Variants in RASL10A observed in about 807,000 individuals in gnomAD.
The protein encoded by RASL10A is ras-like protein family member 10A.
Under a neutral mutation model 17.3 loss-of-function variants are expected in RASL10A, and 13 were observed. That is an observed-to-expected ratio of 0.75 (90% CI 0.49 to 1.20). The LOEUF (loss-of-function observed/expected upper bound fraction) is 1.20. Among genes scored for constraint, RASL10A ranks in the 50% most tolerant of loss-of-function variants. The pLI, the probability that RASL10A is intolerant of heterozygous loss-of-function variation, is 0.00. For synonymous variants in RASL10A, 159 were observed against 142.2 expected, an observed-to-expected ratio of 1.12 and a Z score of -0.84; for missense variants, 307 against 310.3, an observed-to-expected ratio of 0.99 and a Z score of 0.08.
chr22:29,318,251 C>T (rs1487427205), upstream of RASL10A, among the ~76,000 whole-genome samples: 1 of 152,212 alleles, frequency 6.6e-6, no homozygotes, highest in Non-Finnish European at 1.5e-5. Flanking sequence ...AGCAGCAGTG[C>T]CCATTTATCA....
chr22:29,313,680 C>A (rs908455634), intron 2 of RASL10A, 112 bp from the exon 3 acceptor site: 8 of 1,417,710 alleles, frequency 5.6e-6, no homozygotes, highest in African/African-American at 4.3e-5. Context: ...CACCGCCCCC[C>A]CCGCCGCCCC....
chr22:29,315,123 AG>A lies in RASL10A; in HGVS notation c.123del (p.Tyr42ThrfsTer14). ...ERHRPTDGPR[L>X]YRPAVLLDGA... ...CCGTCGAGCAGCACCGCGGGTCGGT[AG>A]AGGCGCGGCCCGTCCGTGGGCCGGT... On this transcript the variant is annotated frameshift_variant, in exon 1 of 3. Coordinates refer to ENST00000216101, the MANE Select transcript of RASL10A (RefSeq NM_006477.5). LOFTEE classifies it high-confidence loss of function. The surrounding 1 kb of genome is among the most constrained non-coding windows in gnomAD (Gnocchi z 5.5). 1 of 1,531,940 alleles carries A rather than the reference AG, an allele frequency of 6.5e-7. No individual in the cohort carries two copies. Among genetic ancestry groups the A allele is most frequent in the South Asian group, 1.2e-5 (1 of 82,924 alleles). The allele number at this position is 1,531,940 out of a possible 1,614,324, so 94.9% of individuals were successfully genotyped here. A position where few individuals can be genotyped will look rare whatever the true frequency, so the allele number is the denominator to read the frequency against.
upstream of RASL10A, chr22:29,319,400 C>G (rs2061466253): frequency 6.6e-6 from 1 of 152,138 alleles, no homozygotes; most frequent in East Asian, 1.9e-4. Context: ...TCCCACTAAT[C>G]ACAGCCAGGC....
intron 2 of RASL10A, 120 bp from the exon 3 acceptor site, chr22:29,313,688 C>T (rs779775004): frequency 2.1e-6 from 3 of 1,419,466 alleles, no homozygotes; most frequent in East Asian, 4.9e-5. Flanking sequence ...CCCCCGCCGC[C>T]CCAACGAAAC....
At position 29,313,298 on chromosome 22, in the gene RASL10A, G is replaced by A. The variant is rs560069210; in HGVS notation, c.*3C>T. On this transcript the variant is annotated 3_prime_UTR_variant, in exon 3 of 3. Transcript: ENST00000216101. The stretch of plus-strand genomic sequence containing the variant: ...GGCCCATGGATGGCACTGTCCGATC[G>A]GGTCACATGAGGCTGCAGCGCGCGG... The A allele has an allele frequency of 2.1e-5, 31 of 1,497,814 alleles. No individual in the cohort carries two copies. In the South Asian group the frequency reaches 3.2e-4, roughly 16 times the overall value. The allele number at this position is 1,497,814 out of a possible 1,614,324, so 92.8% of individuals were successfully genotyped here.
chr22:29,318,214 C>G (rs2061462229), upstream of RASL10A, among the ~76,000 whole-genome samples: 1 of 152,188 alleles, frequency 6.6e-6, no homozygotes, highest in African/African-American at 2.4e-5. Flanking sequence ...GCCATGTTCC[C>G]TAGGAGACTC....
chr22:29,313,006 A>C lies in RASL10A; in HGVS notation c.*295T>G, dbSNP rs2061427640. 1 of 396,766 alleles carries C rather than the reference A, an allele frequency of 2.5e-6. No homozygotes were observed. The highest frequency in any genetic ancestry group is 4.3e-5 in the Admixed American group (1 of 23,428). The allele number at this position is 396,766 out of a possible 1,614,324, so 24.6% of individuals were successfully genotyped here. ...ATATGTCCAGTGAAGCTCCAGGAGC[A>C]GGCTGCGTGTTTCCAGTCAAGTTCA... On this transcript the variant is annotated 3_prime_UTR_variant, in exon 3 of 3. Transcript: ENST00000216101.
In RASL10A at chr22:29,313,895, C is replaced by T. The variant is rs142453742; in HGVS notation, c.312G>A (p.Val104=). Residue 104 remains valine, a synonymous_variant, in exon 2 of 3, where the codon GTG becomes GTA. Coordinates refer to ENST00000216101, the MANE Select transcript of RASL10A (RefSeq NM_006477.5). ...CCGCGATGCGCTGCCGCAGGGCCTT[C>T]ACGTAGTCGAAACTGTCCGGGCTGC... The part of the protein sequence containing the change: ...DICSPDSFDY[V]KALRQRIAET... 1 of 1,613,848 alleles carries T rather than the reference C, an allele frequency of 6.2e-7. No homozygotes were observed. The highest frequency in any genetic ancestry group is 1.3e-5 in the African/African-American group (1 of 74,950).
At position 29,315,394 on chromosome 22, in the gene RASL10A, G is replaced by A. The variant is rs1225465044; in HGVS notation, c.-148C>T. ...GTCGCCCCTCGGAGCACCGAGACCG[G>A]AGAGGGCAGGCCCGAGGCAGGAGCT... On this transcript the variant is annotated 5_prime_UTR_variant, in exon 1 of 3. Coordinates refer to ENST00000216101, the MANE Select transcript of RASL10A (RefSeq NM_006477.5). This position sits in a 1 kb window ranked among gnomAD's most constrained non-coding sequence, Gnocchi z 5.5. 1.2e-5 allele frequency: 5 copies of A among 413,402 alleles called. No individual in the cohort carries two copies. Among genetic ancestry groups the A allele is most frequent in the Non-Finnish European group, 1.9e-5 (5 of 262,848 alleles). The allele number at this position is 413,402 out of a possible 1,614,324, so 25.6% of individuals were successfully genotyped here.
In RASL10A at chr22:29,313,380, G is replaced by A. The variant is rs1488420335; in HGVS notation, c.533C>T (p.Ala178Val). Residue 178 changes from alanine (A) to valine (V), a missense_variant, in exon 3 of 3, where the codon GCT becomes GTT. By Grantham distance (64) the Ala-to-Val change is moderately conservative. Transcript: ENST00000216101. ...LRLFRELLRC[A>V]LVRARPAHPA... ...GTGTGCAGGGCGCGCGCGCACCAGA[G>A]CGCAGCGCAGCAGCTCGCGGAAGAG... 6.5e-7 allele frequency: 1 copy of A among 1,543,746 alleles called. No homozygotes were observed. The highest frequency in any genetic ancestry group is 1.4e-5 in the African/African-American group (1 of 73,010).
Position 29,313,442 on chromosome 22 carries a change from G to C in RASL10A, c.471C>G (p.Leu157=), listed in dbSNP as rs1204142402. ...GCCAGTTGTACTTGGCGGAGCACTCGAGGTAGCCGCAGCGCCAGCCCCTGC... is the reference window on the plus strand; with the variant it reads ...GCCAGTTGTACTTGGCGGAGCACTCCAGGTAGCCGCAGCGCCAGCCCCTGC... ...LVRRGWRCGY[L]ECSAKYNWHV... The change falls in exon 3 of 3, where the codon CTC becomes CTG. Residue 157 remains leucine (L), a synonymous_variant. Transcript: ENST00000216101. The C allele has an allele frequency of 4.5e-6, 7 of 1,541,498 alleles. No homozygotes were observed. In the East Asian group the frequency reaches 9.8e-5, roughly 22 times the overall value.
In RASL10A at chr22:29,314,739, T is replaced by A. The variant is rs536077070; in HGVS notation, c.219+289A>T. 2.0e-5 allele frequency among the ~76,000 whole-genome samples: 3 copies of A among 152,228 alleles called. No homozygotes were observed. The South Asian group carries it at 6.2e-4, about 32-fold the overall frequency. On this transcript the variant is annotated intron_variant, in intron 1 of 2. Coordinates refer to ENST00000216101, the MANE Select transcript of RASL10A (RefSeq NM_006477.5). ...CCACACTCTCGGGAAGGCACCGTTA[T>A]GCACCACCAAGAGCTGCTCCACACC... is the stretch of plus-strand genomic sequence containing the variant.
intron 1 of RASL10A, among the ~76,000 whole-genome samples, chr22:29,314,739 T>C (rs536077070): frequency 6.6e-6 from 1 of 152,110 alleles, no homozygotes; most frequent in African/African-American, 2.4e-5. Flanking sequence ...GGCACCGTTA[T>C]GCACCACCAA....
upstream of RASL10A, among the ~76,000 whole-genome samples, chr22:29,318,152 G>C (rs934267471): frequency 6.6e-6 from 1 of 152,200 alleles, no homozygotes; most frequent in African/African-American, 2.4e-5. Context: ...CGAGGGGAAG[G>C]GGCACTGTGG....
In RASL10A at chr22:29,315,014, C is replaced by T; in HGVS notation, c.219+14G>A. ...ACACTGTCACACGCCCCTGCCCGCT[C>T]CTCGAGCCGCTACCTCCGGACCCCC... On this transcript the variant is annotated intron_variant, in intron 1 of 2. Transcript: ENST00000216101. This position sits in a 1 kb window ranked among gnomAD's most constrained non-coding sequence, Gnocchi z 5.5. 1 of 1,488,670 alleles carries T rather than the reference C, an allele frequency of 6.7e-7. No homozygotes were observed. The highest frequency in any genetic ancestry group is 8.9e-7 in the Non-Finnish European group (1 of 1,123,896). 92.2% of individuals were successfully genotyped at this position (1,488,670 alleles called of 1,614,324 possible).
At chr22:29,316,284 T>C (rs992404739), upstream of RASL10A, among the ~76,000 whole-genome samples, 2 of 152,138 alleles carry the variant, frequency 1.3e-5, no homozygotes, top group African/African-American at 4.8e-5. Flanking sequence ...CCCTCCTACC[T>C]TCCTCCTGCC....
chr22:29,315,263 C>A lies in RASL10A; in HGVS notation c.-17G>T, dbSNP rs938623112. The stretch of plus-strand genomic sequence containing the variant: ...ACCCCCCATGGCCGGCCGGCGCTGT[C>A]GCTCCCCGCGCTGGAAAGCCTCATG... On this transcript the variant is annotated 5_prime_UTR_variant, in exon 1 of 3. Transcript: ENST00000216101. This position sits in a 1 kb window ranked among gnomAD's most constrained non-coding sequence, Gnocchi z 5.5. 8.4e-6 allele frequency: 12 copies of A among 1,427,308 alleles called. No homozygotes were observed. In the African/African-American group the frequency reaches 1.7e-4, roughly 20 times the overall value. The allele number at this position is 1,427,308 out of a possible 1,614,324, so 88.4% of individuals were successfully genotyped here.
Position 29,313,369 on chromosome 22 carries a change from C to G in RASL10A, c.544G>C (p.Ala182Pro). Residue 182 changes from alanine (A) to proline (P), a missense_variant, in exon 3 of 3, where the codon GCG (alanine) becomes CCG (proline). Physicochemically the swap from Ala to Pro is conservative, Grantham distance 27 (BLOSUM62 -1). Coordinates refer to ENST00000216101, the MANE Select transcript of RASL10A (RefSeq NM_006477.5). ...CGCAGGGCCGGGTGTGCAGGGCGCGCGCGCACCAGAGCGCAGCGCAGCAGC... is the reference window on the plus strand; with the variant it reads ...CGCAGGGCCGGGTGTGCAGGGCGCGGGCGCACCAGAGCGCAGCGCAGCAGC... ...RELLRCALVR[A>P]RPAHPALRLQ... The G allele has an allele frequency of 1.3e-6, 2 of 1,543,630 alleles. No homozygotes were observed. The highest frequency in any genetic ancestry group is 2.0e-5 in the Admixed American group (1 of 50,800).
Position 29,313,125 on chromosome 22 carries a change from C to T in RASL10A, c.*176G>A, listed in dbSNP as rs1344945343. The T allele has an allele frequency of 1.9e-5, 16 of 844,116 alleles. No homozygotes were observed. The highest frequency in any genetic ancestry group is 2.7e-5 in the Non-Finnish European group (16 of 592,868). The allele number at this position is 844,116 out of a possible 1,614,324, so 52.3% of individuals were successfully genotyped here. A position where few individuals can be genotyped will look rare whatever the true frequency, so the allele number is the denominator to read the frequency against. ...ATGGAGCTTGGGACCTGGTTGGGTC[C>T]AATGAGGTTCAAAAGGGGGCCAGTC... On this transcript the variant is annotated 3_prime_UTR_variant, in exon 3 of 3. Transcript: ENST00000216101.
Sources: gnomAD v4.1 joint callset for allele counts (sites outside exome capture counted in the v4.1 genomes callset) on GRCh38, gnomAD v4.1.1 for gene constraint, Gnocchi (gnomAD v3.1) non-coding constraint, MANE v1.5 for transcripts, NCBI Gene and HGNC (gene_info 2026-07-23, HGNC 2026-07-21) for gene names.